Variants in SEC11A observed in about 807,000 individuals in gnomAD.
SEC11A encodes signal peptidase complex catalytic subunit SEC11A.
In SEC11A, 14 loss-of-function variants were observed where a neutral mutation model predicts 25.6. The ratio of observed to expected loss-of-function variants is 0.55; its 90% CI spans 0.36 to 0.85. The LOEUF is 0.85. Among genes scored for constraint, SEC11A ranks in the 40% least tolerant of loss-of-function variants. The probability of loss-of-function intolerance (pLI) is 0.01; values close to 1 mark genes in which losing one functional copy is unlikely to be tolerated. For missense variants in SEC11A, 153 were observed against 222.9 expected (o/e 0.69, Z 2.00); for synonymous variants, 83 against 76.4 (o/e 1.09, Z -0.45).
intron 1 of SEC11A, among the ~76,000 whole-genome samples, chr15:84,700,747 G>A (rs140580063): frequency 0.011 from 1,604 of 150,766 alleles, 17 homozygotes; most frequent in South Asian, 0.043. Flanking sequence ...TTGGGAAGCC[G>A]AGGCAGGCAG....
At chr15:84,701,514 C>T (rs1391272565) in intron 1 of SEC11A, among the ~76,000 whole-genome samples, 1 of 151,496 alleles carries the variant, frequency 6.6e-6, no homozygotes, top group African/African-American at 2.4e-5. Flanking sequence ...CACTGCACTC[C>T]AGCCTGGGCA....
chr15:84,716,088 G>C lies in SEC11A; in HGVS notation c.-13C>G, dbSNP rs377544649. On this transcript the variant is annotated 5_prime_UTR_variant, in exon 1 of 6. Transcript: ENST00000268220. ...CTAGAGACAGCATGGCGGGGACGGCGAGCAGGACACCGGCAGGGGAAAGGG... is the reference window on the plus strand; with the variant it reads ...CTAGAGACAGCATGGCGGGGACGGCCAGCAGGACACCGGCAGGGGAAAGGG... 2.5e-6 allele frequency: 4 copies of C among 1,613,250 alleles called. No individual in the cohort carries two copies. The highest frequency in any genetic ancestry group is 3.3e-5 in the Admixed American group (2 of 59,950).
intron 5 of SEC11A, 150 bp from the exon 6 acceptor site, chr15:84,670,219 C>A: frequency 1.7e-6 from 1 of 574,290 alleles, no homozygotes; most frequent in Non-Finnish European, 2.9e-6. Flanking sequence ...TAAAAGTTTC[C>A]AATACTAAGC....
At chr15:84,707,670 G>C (rs556980856) in intron 1 of SEC11A, among the ~76,000 whole-genome samples, 1 of 152,264 alleles carries the variant, frequency 6.6e-6, no homozygotes, top group South Asian at 2.1e-4. Flanking sequence ...CCCTTCTGAA[G>C]AAGAGTTAAA....
intron 1 of SEC11A, among the ~76,000 whole-genome samples, chr15:84,694,680 G>T (rs758431856): frequency 6.6e-6 from 1 of 151,962 alleles, no homozygotes; most frequent in African/African-American, 2.4e-5. Flanking sequence ...GTACAATGAG[G>T]GGCTAGGCAC....
At chr15:84,696,920 T>C (rs1008790333) in intron 1 of SEC11A, among the ~76,000 whole-genome samples, 1 of 151,962 alleles carries the variant, frequency 6.6e-6, no homozygotes, top group African/African-American at 2.4e-5. Flanking sequence ...CAATGGCTTA[T>C]GCCTATAATC....
intron 1 of SEC11A, among the ~76,000 whole-genome samples, chr15:84,696,918 T>G (rs1251793261): frequency 1.3e-5 from 2 of 151,946 alleles, no homozygotes; most frequent in Admixed American, 1.3e-4. Flanking sequence ...TGCAATGGCT[T>G]ATGCCTATAA....
rs1898147021 is a variant in SEC11A, at chr15:84,708,002, G to A, written c.51+8023C>T. On this transcript the variant is annotated intron_variant, in intron 1 of 5. Coordinates refer to ENST00000268220, the MANE Select transcript of SEC11A (RefSeq NM_014300.4). ...GCTGGTGAATCACTTGAGGTCAGGA[G>A]TTCAAGACCAGCCTGGCCAACATGG... 1.3e-5 allele frequency among the ~76,000 whole-genome samples: 2 copies of A among 152,008 alleles called. 1 individual carries two copies. Among genetic ancestry groups the A allele is most frequent in the South Asian group, 4.1e-4 (2 of 4,828 alleles).
Position 84,671,909 on chromosome 15 carries a change from G to C in SEC11A, c.432-1127C>G, listed in dbSNP as rs562534278. 2.0e-5 allele frequency: 3 copies of C among 152,306 alleles called. No individual in the cohort carries two copies. The South Asian group carries it at 6.2e-4, about 32-fold the overall frequency. 9.4% of individuals were successfully genotyped at this position (152,306 alleles called of 1,614,324 possible). On this transcript the variant is annotated intron_variant, in intron 4 of 5. Transcript: ENST00000268220. ...CATTCACGGCAGAAAGAGAAAATTA[G>C]CAGGGTACCATCGATGTGGGCGGAA...
chr15:84,684,822 C>T (rs898250406), intron 3 of SEC11A, among the ~76,000 whole-genome samples: 2 of 152,140 alleles, frequency 1.3e-5, no homozygotes, highest in Non-Finnish European at 2.9e-5. Flanking sequence ...GTCCCAGCTA[C>T]TTGGGAGGCT....
chr15:84,698,820 G>A (rs1488650295), intron 1 of SEC11A, among the ~76,000 whole-genome samples: 1 of 152,100 alleles, frequency 6.6e-6, no homozygotes, highest in Non-Finnish European at 1.5e-5. Context: ...GGATATTTCA[G>A]ATTTGGGATG....
chr15:84,679,947 C>A lies in SEC11A; in HGVS notation c.431+766G>T, dbSNP rs375354977. On this transcript the variant is annotated intron_variant, in intron 4 of 5. Coordinates refer to ENST00000268220, the MANE Select transcript of SEC11A (RefSeq NM_014300.4). ...AACAACTTACAATTCCTGTCCTCCA[C>A]TGAACTGTTCTCCTGATAAAATCTG... 161 of 1,530,812 alleles carry A rather than the reference C, an allele frequency of 1.1e-4. No individual in the cohort carries two copies. In the African/African-American group the frequency reaches 2.0e-3, roughly 19 times the overall value. 94.8% of individuals were successfully genotyped at this position (1,530,812 alleles called of 1,614,324 possible).
chr15:84,698,179 T>C (rs994849548), intron 1 of SEC11A, among the ~76,000 whole-genome samples: 1 of 152,192 alleles, frequency 6.6e-6, no homozygotes, highest in Non-Finnish European at 1.5e-5. Context: ...AATACTATAA[T>C]TTAATGGGCT....
chr15:84,672,558 T>A, intron 4 of SEC11A: 1 of 181,034 alleles, frequency 5.5e-6, no homozygotes, highest in Non-Finnish European at 1.1e-5. Flanking sequence ...CGGAGTCTCG[T>A]TCACTCAGTG....
At chr15:84,703,126 A>C (rs1897996750) in intron 1 of SEC11A, among the ~76,000 whole-genome samples, 1 of 152,142 alleles carries the variant, frequency 6.6e-6, no homozygotes, top group Non-Finnish European at 1.5e-5. Context: ...ACAAAGCTAT[A>C]CTGTCCTTTG....
chr15:84,678,532 T>C (rs1230021204), intron 4 of SEC11A, among the ~76,000 whole-genome samples: 1 of 152,206 alleles, frequency 6.6e-6, no homozygotes, highest in Non-Finnish European at 1.5e-5. Flanking sequence ...ATAGAGTATA[T>C]GGTCTTTCCA....
At chr15:84,677,412 T>C (rs1489848435) in intron 4 of SEC11A, among the ~76,000 whole-genome samples, 2 of 151,894 alleles carry the variant, frequency 1.3e-5, no homozygotes, top group African/African-American at 4.8e-5. Context: ...AAATGGTCTA[T>C]AGTTTCTATG....
intron 1 of SEC11A, among the ~76,000 whole-genome samples, chr15:84,705,454 C>T (rs971416288): frequency 3.9e-5 from 6 of 152,100 alleles, no homozygotes; most frequent in Non-Finnish European, 7.3e-5. Context: ...TGACAACCAA[C>T]ATTTGGTGCT....
intron 1 of SEC11A, among the ~76,000 whole-genome samples, chr15:84,699,052 T>C (rs1186695194): frequency 1.3e-5 from 2 of 152,120 alleles, no homozygotes; most frequent in Admixed American, 1.3e-4. Flanking sequence ...TGGTGGCTCA[T>C]GCCTATACTC....
Sources: allele counts gnomAD v4.1 joint callset (sites outside exome capture counted in the v4.1 genomes callset), GRCh38; gene constraint gnomAD v4.1.1; transcripts MANE v1.5; gene names NCBI Gene and HGNC (gene_info 2026-07-23, HGNC 2026-07-21).